The following CMIP variants were observed in gnomAD, a reference collection of about 807,000 sequenced individuals.
The protein encoded by CMIP is c-Maf inducing protein.
In CMIP, 13 loss-of-function variants were observed where a neutral mutation model predicts 97.3. The ratio of observed to expected loss-of-function variants is 0.13; its 90% CI spans 0.09 to 0.21. The LOEUF is 0.21. Ranked by LOEUF, CMIP falls within the 10% of genes least tolerant of loss-of-function variation. The pLI is 1.00. For synonymous variants in CMIP, 538 were observed against 436.3 expected, an observed-to-expected ratio of 1.23 and a Z score of -2.91; for missense variants, 847 against 1,024.9, an observed-to-expected ratio of 0.83 and a Z score of 2.37.
chr16:81,597,773 C>T (rs1260531919), intron 1 of CMIP, among the ~76,000 whole-genome samples: 1 of 152,226 alleles, frequency 6.6e-6, no homozygotes, highest in Admixed American at 6.5e-5. Flanking sequence ...TCAAAGATGC[C>T]CAGTGGCACA....
chr16:81,457,577 G>C (rs994999451), intron 1 of CMIP, among the ~76,000 whole-genome samples: 9 of 152,346 alleles, frequency 5.9e-5, no homozygotes, highest in African/African-American at 2.2e-4. Context: ...CCCGTGATAC[G>C]TAACAAGCAG....
chr16:81,646,241 CGGGT>C (rs1203979532), intron 3 of CMIP, among the ~76,000 whole-genome samples: 1 of 5,014 alleles, frequency 2.0e-4, no homozygotes, highest in Non-Finnish European at 5.0e-4. Context: ...GATGGGTGGG[CGGGT>C]GGGTGGATGG....
intron 3 of CMIP, among the ~76,000 whole-genome samples, chr16:81,640,141 T>C (rs1020071777): frequency 2.6e-5 from 4 of 152,084 alleles, no homozygotes; most frequent in African/African-American, 7.2e-5. Flanking sequence ...CTGACCTCAC[T>C]GATGATGCAG....
chr16:81,481,905 GT>G (rs2089230177), intron 1 of CMIP, among the ~76,000 whole-genome samples: 1 of 150,268 alleles, frequency 6.7e-6, no homozygotes, highest in African/African-American at 2.5e-5. Flanking sequence ...TTGAGAGGGG[GT>G]CTCACTCTGT....
intron 1 of CMIP, among the ~76,000 whole-genome samples, chr16:81,449,618 G>GC (rs1906082153): frequency 1.3e-5 from 2 of 150,306 alleles, no homozygotes. Context: ...CATGTGCCTA[G>GC]CCTGCCTTTA....
intron 4 of CMIP, among the ~76,000 whole-genome samples, chr16:81,653,942 C>A (rs2092456040): frequency 6.6e-6 from 1 of 152,170 alleles, no homozygotes; most frequent in East Asian, 1.9e-4. Flanking sequence ...CTTCACTTCA[C>A]AGATGAGGAA....
At chr16:81,610,272 C>G (rs933413165) in intron 2 of CMIP, 2 of 979,170 alleles carry the variant, frequency 2.0e-6, no homozygotes, top group East Asian at 2.3e-4. Context: ...GCCTGGCCGC[C>G]GTGTCTGGCA....
intron 10 of CMIP, among the ~76,000 whole-genome samples, chr16:81,683,113 A>G (rs540632781): frequency 2.6e-5 from 4 of 152,270 alleles, no homozygotes; most frequent in African/African-American, 9.6e-5. Context: ...CTCTATGCCA[A>G]ATGCCATACT....
chr16:81,688,006 C>T (rs1408793411), intron 10 of CMIP, among the ~76,000 whole-genome samples: 2 of 152,256 alleles, frequency 1.3e-5, no homozygotes, highest in Non-Finnish European at 2.9e-5. Context: ...GCCCTTACTT[C>T]AAGCCCCGGT....
chr16:81,664,429 G>T, intron 7 of CMIP, 80 bp downstream of exon 7: 2 of 1,376,352 alleles, frequency 1.5e-6, no homozygotes, highest in South Asian at 2.6e-5. Context: ...TTTTGCGTTG[G>T]CACAGATTTG....
chr16:81,461,996 C>G (rs1297644834), intron 1 of CMIP, among the ~76,000 whole-genome samples: 2 of 152,242 alleles, frequency 1.3e-5, no homozygotes, highest in Non-Finnish European at 2.9e-5. Flanking sequence ...GGCTAGTTTT[C>G]TTCCTCTTTC....
intron 1 of CMIP, among the ~76,000 whole-genome samples, chr16:81,586,413 C>T: frequency 6.6e-6 from 1 of 152,136 alleles, no homozygotes; most frequent in East Asian, 1.9e-4. Flanking sequence ...TGTTTGTAGA[C>T]AGTAGCAACA....
At chr16:81,604,654 C>T (rs971750174) in intron 1 of CMIP, among the ~76,000 whole-genome samples, 30 of 152,224 alleles carry the variant, frequency 2.0e-4, no homozygotes, top group Middle Eastern at 3.4e-3. Flanking sequence ...GAGCCGAGAT[C>T]GCGCCACTGC....
chr16:81,612,366 A>G (rs1030631934), intron 2 of CMIP, among the ~76,000 whole-genome samples: 1 of 152,024 alleles, frequency 6.6e-6, no homozygotes, highest in African/African-American at 2.4e-5. Flanking sequence ...CTTCTCACCA[A>G]TGTTCTGGAA....
intron 1 of CMIP, among the ~76,000 whole-genome samples, chr16:81,455,153 C>G (rs1906466665): frequency 1.3e-5 from 2 of 152,172 alleles, no homozygotes; most frequent in Admixed American, 6.5e-5. Context: ...GGCCGGCCAG[C>G]CGGGAGCCCG....
In CMIP at chr16:81,623,972, C is replaced by G. The variant is rs564020150; in HGVS notation, c.477+3046C>G. Among the ~76,000 whole-genome samples, 267 of 152,322 alleles carry G rather than the reference C, an allele frequency of 1.8e-3. 2 individuals are homozygous for G. Among genetic ancestry groups the G allele is most frequent in the South Asian group, 0.014 (66 of 4,826 alleles). On this transcript the variant is annotated intron_variant, in intron 3 of 20. Transcript: ENST00000537098. ...TCCTCCTTGATCACACCGTGCTTTT[C>G]TCTGAGATTGGGACTCCACAGCCCT...
intron 1 of CMIP, among the ~76,000 whole-genome samples, chr16:81,591,989 A>G (rs1252306286): frequency 6.6e-6 from 1 of 150,804 alleles, no homozygotes; most frequent in East Asian, 2.0e-4. Flanking sequence ...ACACATGGCT[A>G]GTTTTTGTGT....
intron 1 of CMIP, among the ~76,000 whole-genome samples, chr16:81,505,192 A>G (rs1404674297): frequency 6.6e-6 from 1 of 152,256 alleles, no homozygotes; most frequent in African/African-American, 2.4e-5. Context: ...CCACTTGTAC[A>G]GGACACACAT....
intron 1 of CMIP, among the ~76,000 whole-genome samples, chr16:81,538,180 AAGTGGTAGGG>A (rs1218654600): frequency 1.3e-5 from 2 of 152,148 alleles, no homozygotes; most frequent in Admixed American, 1.3e-4. Context: ...CAGATTAGGG[AAGTGGTAGGG>A]AGTCAAGAGG....
Sources: allele counts gnomAD v4.1 joint callset (sites outside exome capture counted in the v4.1 genomes callset), GRCh38; gene constraint gnomAD v4.1.1; transcripts MANE v1.5; gene names NCBI Gene and HGNC (gene_info 2026-07-23, HGNC 2026-07-21).